The following COL25A1 variants were observed in gnomAD, a reference collection of about 807,000 sequenced individuals.
The protein encoded by COL25A1 is collagen type XXV alpha 1 chain.
A neutral mutation model predicts 128.4 loss-of-function variants in COL25A1; 103 were observed. That is an observed-to-expected ratio of 0.80 (90% CI 0.68 to 0.94). The LOEUF (loss-of-function observed/expected upper bound fraction) is 0.94. Ranked by LOEUF, COL25A1 falls within the 40% of genes least tolerant of loss-of-function variation. The pLI, the probability that COL25A1 is intolerant of heterozygous loss-of-function variation, is 0.00. For missense variants in COL25A1, 745 were observed against 840.0 expected (o/e 0.89, Z 1.40); for synonymous variants, 279 against 277.2 (o/e 1.01, Z -0.06).
At chr4:108,842,805 A>ATAT (rs1734600894) in intron 30 of COL25A1, among the ~76,000 whole-genome samples, 1 of 152,144 alleles carries the variant, frequency 6.6e-6, no homozygotes, top group Non-Finnish European at 1.5e-5. Context: ...TAAAAAGCCA[A>ATAT]AAGTATGCCA....
intron 3 of COL25A1, among the ~76,000 whole-genome samples, chr4:109,104,276 G>A (rs549374123): frequency 4.6e-5 from 7 of 152,078 alleles, no homozygotes; most frequent in Non-Finnish European, 1.0e-4. Context: ...GGGATGCTGA[G>A]GTGGGAGAAT....
intron 8 of COL25A1, among the ~76,000 whole-genome samples, chr4:108,945,240 T>A (rs1441792335): frequency 6.6e-6 from 1 of 152,170 alleles, no homozygotes; most frequent in East Asian, 1.9e-4. Context: ...GTTTTAAAAA[T>A]TTTCACCATT....
In COL25A1 at chr4:108,813,150, T is replaced by C. The variant is rs1489653176; in HGVS notation, c.*777A>G. ...CTGCCAAGGGCAGCCCAAGGAAAAC[T>C]GGTGGCAGCAACAGGCTCAACCCCT... On this transcript the variant is annotated 3_prime_UTR_variant, in exon 38 of 38. Transcript: ENST00000399132. 4 of 152,274 alleles carry C rather than the reference T, an allele frequency of 2.6e-5. No individual in the cohort carries two copies. The East Asian group carries it at 7.7e-4, about 29-fold the overall frequency. The allele number at this position is 152,274 out of a possible 1,614,324, so 9.4% of individuals were successfully genotyped here. A position where few individuals can be genotyped will look rare whatever the true frequency, so the allele number is the denominator to read the frequency against.
rs202176344 is a variant in COL25A1 at position 109,301,804 on chromosome 4, G to C, written c.216C>G (p.Ala72=). The stretch of plus-strand genomic sequence containing the variant: ...TATCAGGCAGCAGATGAATGGAAGG[G>C]GCCCCTTTGGCGGATTCGAGAGCGG... ...RIAALESAKG[A]PSIHLLPDTL... is the part of the protein sequence containing the mutation. Residue 72 remains alanine, a synonymous_variant, in exon 2 of 38, where the codon GCC becomes GCG. Transcript: ENST00000399132. The C allele has an allele frequency of 1.4e-4, 233 of 1,614,128 alleles. No individual in the cohort carries two copies. The highest frequency in any genetic ancestry group is 1.9e-4 in the Non-Finnish European group (219 of 1,180,054).
At chr4:109,063,931 C>A (rs528873049) in intron 3 of COL25A1, among the ~76,000 whole-genome samples, 2 of 152,168 alleles carry the variant, frequency 1.3e-5, no homozygotes, top group East Asian at 3.9e-4. Flanking sequence ...ATTAGGGAAG[C>A]CAATTATGAG....
intron 6 of COL25A1, among the ~76,000 whole-genome samples, chr4:109,000,768 A>AAAAAAAAAT (rs1755284291): frequency 2.1e-5 from 1 of 48,390 alleles, no homozygotes; most frequent in Non-Finnish European, 4.1e-5. Flanking sequence ...AAAAAAAAAA[A>AAAAAAAAAT]GAAAAAACTA....
intron 3 of COL25A1, among the ~76,000 whole-genome samples, chr4:109,173,998 A>G (rs1204371891): frequency 1.3e-5 from 2 of 152,146 alleles, no homozygotes; most frequent in Non-Finnish European, 2.9e-5. Context: ...TTGGATTTTT[A>G]GATTTGGGAT....
rs562742919 is a variant in COL25A1 at position 109,040,603 on chromosome 4, T to C, written c.420+7565A>G. Among the ~76,000 whole-genome samples, 48 of 152,280 alleles carry C rather than the reference T, an allele frequency of 3.2e-4. No homozygotes were observed. The South Asian group carries it at 8.9e-3, about 28-fold the overall frequency. ...AGAGTCACATAGTTACTTCCCTAAT[T>C]AGTCCCATAAGATATTTACAGGTCT... On this transcript the variant is annotated intron_variant, in intron 5 of 37. Transcript: ENST00000399132.
intron 3 of COL25A1, among the ~76,000 whole-genome samples, chr4:109,258,310 T>C (rs1405525766): frequency 6.6e-6 from 1 of 152,250 alleles, no homozygotes; most frequent in African/African-American, 2.4e-5. Context: ...TTTCACTGCC[T>C]ATATGCATTT....
chr4:109,274,526 G>T (rs1782411918), intron 3 of COL25A1, among the ~76,000 whole-genome samples: 1 of 151,932 alleles, frequency 6.6e-6, no homozygotes, highest in Non-Finnish European at 1.5e-5. Flanking sequence ...TATTAACATT[G>T]TTGAATATCT....
At chr4:109,009,907 C>T (rs2126043958) in intron 6 of COL25A1, among the ~76,000 whole-genome samples, 1 of 152,288 alleles carries the variant, frequency 6.6e-6, no homozygotes, top group South Asian at 2.1e-4. Flanking sequence ...ATGTCTTCGG[C>T]AGTTGTTTCT....
At chr4:109,089,896 C>A (rs539323298) in intron 3 of COL25A1, among the ~76,000 whole-genome samples, 3 of 151,970 alleles carry the variant, frequency 2.0e-5, no homozygotes, top group Non-Finnish European at 4.4e-5. Flanking sequence ...TGAGCCACCA[C>A]GCCCAGCTAT....
intron 5 of COL25A1, among the ~76,000 whole-genome samples, chr4:109,028,918 C>A (rs1368388210): frequency 6.6e-6 from 1 of 151,974 alleles, no homozygotes; most frequent in East Asian, 1.9e-4. Context: ...TGAATTCTGA[C>A]CACTAAATTT....
intron 6 of COL25A1, 103 bp from the exon 7 acceptor site, chr4:108,974,662 T>C (rs1433304151): frequency 1.1e-6 from 1 of 924,400 alleles, no homozygotes; most frequent in Non-Finnish European, 1.6e-6. Context: ...AATACAGAGA[T>C]AGCTGTCAAT....
At chr4:109,250,604 T>C (rs376954857) in intron 3 of COL25A1, among the ~76,000 whole-genome samples, 43 of 152,346 alleles carry the variant, frequency 2.8e-4, no homozygotes, top group African/African-American at 1.0e-3. Context: ...GTCTGTGCCC[T>C]AGCTTTATGA....
At chr4:109,041,764 C>T (rs1235171680) in intron 5 of COL25A1, among the ~76,000 whole-genome samples, 2 of 152,062 alleles carry the variant, frequency 1.3e-5, no homozygotes, top group African/African-American at 2.4e-5. Flanking sequence ...CCATCTGACC[C>T]TCCACTCTTT....
rs566522673 is a variant in COL25A1 at position 108,853,431 on chromosome 4, A to G, written c.1321-506T>C. 2.4e-4 allele frequency among the ~76,000 whole-genome samples: 36 copies of G among 152,172 alleles called. No individual in the cohort carries two copies. The South Asian group carries it at 6.4e-3, about 27-fold the overall frequency. ...GCCATAACTAAAGATATTAGTCGAC[A>G]TAGAATTAATCTAATTTCCTTTTTT... On this transcript the variant is annotated intron_variant, in intron 24 of 37. Coordinates refer to ENST00000399132, the MANE Select transcript of COL25A1 (RefSeq NM_198721.4).
chr4:108,901,489 C>T (rs1742850588), intron 13 of COL25A1, among the ~76,000 whole-genome samples: 1 of 151,968 alleles, frequency 6.6e-6, no homozygotes, highest in African/African-American at 2.4e-5. Context: ...GAGTAAAAGA[C>T]AACTGAAAAT....
intron 3 of COL25A1, among the ~76,000 whole-genome samples, chr4:109,099,303 G>A (rs541851528): frequency 6.6e-6 from 1 of 152,222 alleles, no homozygotes; most frequent in East Asian, 1.9e-4. Flanking sequence ...TAAAAGTTTT[G>A]TTAAACTGAC....
Sources: allele counts gnomAD v4.1 joint callset (sites outside exome capture counted in the v4.1 genomes callset), GRCh38; gene constraint gnomAD v4.1.1; transcripts MANE v1.5; gene names NCBI Gene and HGNC (gene_info 2026-07-23, HGNC 2026-07-21).